Variants in MAD1L1 observed in about 807,000 individuals in gnomAD.
MAD1L1 encodes mitotic spindle assembly checkpoint protein MAD1.
A neutral mutation model predicts 96.9 loss-of-function variants in MAD1L1; 95 were observed. The observed-to-expected ratio is 0.98, with a 90% CI of 0.83 to 1.16. MAD1L1 has a LOEUF of 1.16. Ranked by LOEUF, MAD1L1 falls within the 50% of genes most tolerant of loss-of-function variation. The probability of loss-of-function intolerance (pLI) is 0.00; values close to 1 mark genes in which losing one functional copy is unlikely to be tolerated. For synonymous variants in MAD1L1, 473 were observed against 396.6 expected, an observed-to-expected ratio of 1.19 and a Z score of -2.29; for missense variants, 1,007 against 954.4, an observed-to-expected ratio of 1.06 and a Z score of -0.73.
chr7:2,077,227 G>C (rs1006185510), intron 11 of MAD1L1, among the ~76,000 whole-genome samples: 3 of 152,142 alleles, frequency 2.0e-5, no homozygotes. Context: ...CGTCTGGCAT[G>C]AAACTAGGAA....
intron 18 of MAD1L1, among the ~76,000 whole-genome samples, chr7:1,836,584 TGAGA>T (rs897807422): frequency 4.3e-4 from 66 of 152,316 alleles, no homozygotes; most frequent in African/African-American, 1.5e-3. Context: ...AACACATTGC[TGAGA>T]GAAACTGTTC....
chr7:2,192,411 C>T (rs972752849), intron 10 of MAD1L1, among the ~76,000 whole-genome samples: 6 of 152,162 alleles, frequency 3.9e-5, no homozygotes, highest in Admixed American at 2.6e-4. Flanking sequence ...GGATAACAGG[C>T]GTGAGCCACC....
intron 11 of MAD1L1, among the ~76,000 whole-genome samples, chr7:2,136,439 T>C (rs371117181): frequency 6.6e-6 from 1 of 152,228 alleles, no homozygotes; most frequent in East Asian, 1.9e-4. Context: ...GAGTGCCTGG[T>C]ACCCACAGGT....
chr7:2,070,291 C>T (rs1046510666), intron 11 of MAD1L1, among the ~76,000 whole-genome samples: 6 of 152,220 alleles, frequency 3.9e-5, no homozygotes, highest in Non-Finnish European at 8.8e-5. Flanking sequence ...AGGACTCCAC[C>T]TCCTCACGGG....
chr7:2,185,098 G>A (rs1791394989), intron 10 of MAD1L1, among the ~76,000 whole-genome samples: 1 of 152,134 alleles, frequency 6.6e-6, no homozygotes, highest in Non-Finnish European at 1.5e-5. Flanking sequence ...CCAAAAGCAG[G>A]GCCAGGACAA....
chr7:2,052,457 G>A (rs926137905), intron 12 of MAD1L1, among the ~76,000 whole-genome samples: 14 of 152,134 alleles, frequency 9.2e-5, no homozygotes, highest in Admixed American at 5.2e-4. Flanking sequence ...GGAGGGCGCC[G>A]GACAGCTCAC....
At chr7:2,106,900 C>G (rs989952934) in intron 11 of MAD1L1, among the ~76,000 whole-genome samples, 1 of 152,214 alleles carries the variant, frequency 6.6e-6, no homozygotes, top group African/African-American at 2.4e-5. Flanking sequence ...CAGCTGAGTG[C>G]AGACCTGGGC....
In MAD1L1 at chr7:1,968,047, A is replaced by T. The variant is rs528132684; in HGVS notation, c.1506-10328T>A. Among the ~76,000 whole-genome samples, 24 of 152,354 alleles carry T rather than the reference A, an allele frequency of 1.6e-4. No individual in the cohort carries two copies. Among genetic ancestry groups the T allele is most frequent in the East Asian group, 7.7e-4 (4 of 5,176 alleles). On this transcript the variant is annotated intron_variant, in intron 15 of 18. Transcript: ENST00000265854. The surrounding 1 kb of genome is among the most constrained non-coding windows in gnomAD (Gnocchi z 5.6). ...GAAGTGAATAAATGGGGAAGAGGAGACACCTCCCTCACAGAACTCCACATC... is the reference window on the plus strand; with the variant it reads ...GAAGTGAATAAATGGGGAAGAGGAGTCACCTCCCTCACAGAACTCCACATC...
chr7:2,108,125 C>T (rs1037131614), intron 11 of MAD1L1, among the ~76,000 whole-genome samples: 4 of 152,154 alleles, frequency 2.6e-5, no homozygotes, highest in Non-Finnish European at 4.4e-5. Flanking sequence ...TCATTATGTA[C>T]GATAACATTC....
At chr7:2,009,626 CTG>C (rs1425259712) in intron 13 of MAD1L1, among the ~76,000 whole-genome samples, 7 of 152,180 alleles carry the variant, frequency 4.6e-5, no homozygotes, top group Admixed American at 4.6e-4. Context: ...CTGAGGATGA[CTG>C]TGAGCCCAGC....
At chr7:2,082,209 G>C (rs558731747) in intron 11 of MAD1L1, among the ~76,000 whole-genome samples, 6 of 152,140 alleles carry the variant, frequency 3.9e-5, no homozygotes, top group Non-Finnish European at 8.8e-5. Context: ...CCATGTGTGA[G>C]TGTGAGGGGG....
At chr7:2,050,656 C>T (rs1363131506) in intron 12 of MAD1L1, among the ~76,000 whole-genome samples, 1 of 148,388 alleles carries the variant, frequency 6.7e-6, no homozygotes, top group African/African-American at 2.4e-5. Flanking sequence ...GTGCAGGGAA[C>T]TTACAAGGCT....
At chr7:2,209,889 A>T (rs1232248456) in intron 10 of MAD1L1, 1 of 152,330 alleles carries the variant, frequency 6.6e-6, no homozygotes, top group Non-Finnish European at 1.5e-5. Context: ...GTCTCCACAC[A>T]AGAACAGCAA....
intron 10 of MAD1L1, among the ~76,000 whole-genome samples, chr7:2,167,552 A>C (rs926609080): frequency 6.6e-6 from 1 of 150,592 alleles, no homozygotes. Flanking sequence ...CCGTCTCAAA[A>C]AATAATAATA....
At chr7:2,112,948 T>C (rs1787456983) in intron 11 of MAD1L1, among the ~76,000 whole-genome samples, 1 of 151,528 alleles carries the variant, frequency 6.6e-6, no homozygotes, top group South Asian at 2.1e-4. Context: ...TGACCAAGGC[T>C]GAAATACCGT....
At chr7:1,923,657 C>G (rs1788930737) in intron 17 of MAD1L1, among the ~76,000 whole-genome samples, 1 of 152,288 alleles carries the variant, frequency 6.6e-6, no homozygotes, top group African/African-American at 2.4e-5. Flanking sequence ...GTGAAGGCGG[C>G]TGTGGCCGTG....
At chr7:2,162,223 C>A (rs569668728) in intron 10 of MAD1L1, among the ~76,000 whole-genome samples, 1 of 152,178 alleles carries the variant, frequency 6.6e-6, no homozygotes, top group African/African-American at 2.4e-5. Flanking sequence ...ACATGGGAGA[C>A]TCCATTTTGT....
At chr7:2,181,314 C>A (rs1791189023) in intron 10 of MAD1L1, among the ~76,000 whole-genome samples, 1 of 152,264 alleles carries the variant, frequency 6.6e-6, no homozygotes, top group South Asian at 2.1e-4. Flanking sequence ...TTGTTTTTTA[C>A]TTGTTTCATG....
chr7:2,079,860 C>T, intron 11 of MAD1L1: 1 of 415,168 alleles, frequency 2.4e-6, no homozygotes, highest in Non-Finnish European at 4.9e-6. Flanking sequence ...CTCTACTAAA[C>T]AACCGCCCCA....
Sources: gnomAD v4.1 joint callset for allele counts (sites outside exome capture counted in the v4.1 genomes callset) on GRCh38, gnomAD v4.1.1 for gene constraint, Gnocchi (gnomAD v3.1) non-coding constraint, MANE v1.5 for transcripts, NCBI Gene and HGNC (gene_info 2026-07-23, HGNC 2026-07-21) for gene names.